MAGI2: variants seen among roughly 807,000 people sequenced by gnomAD.
MAGI2 encodes membrane-associated guanylate kinase, WW and PDZ domain-containing protein 2.
MAGI2 carries 35 observed loss-of-function variants against 133.3 expected under a neutral mutation model. The ratio of observed to expected loss-of-function variants is 0.26; its 90% CI spans 0.20 to 0.35. The LOEUF (loss-of-function observed/expected upper bound fraction) is 0.35, where lower values mean the gene tolerates loss of function less well. Ranked by LOEUF, MAGI2 falls within the 10% of genes least tolerant of loss-of-function variation. MAGI2 has a pLI of 1.00. For synonymous variants in MAGI2, 729 were observed against 710.6 expected, an observed-to-expected ratio of 1.03 and a Z score of -0.41; for missense variants, 1,636 against 1,863.4, an observed-to-expected ratio of 0.88 and a Z score of 2.25.
intron 6 of MAGI2, among the ~76,000 whole-genome samples, chr7:78,471,016 C>G (rs974012578): frequency 6.6e-6 from 1 of 152,114 alleles, no homozygotes; most frequent in African/African-American, 2.4e-5. Context: ...ATATCTTGTT[C>G]TTGCCTAAGA....
At position 78,018,967 on chromosome 7, in the gene MAGI2, T is replaced by C. The variant is rs980191521; in HGVS notation, c.*348A>G. The C allele has an allele frequency of 3.0e-5, 12 of 397,222 alleles. No homozygotes were observed. Among genetic ancestry groups the C allele is most frequent in the Non-Finnish European group, 5.3e-5 (12 of 225,384 alleles). 24.6% of individuals were successfully genotyped at this position (397,222 alleles called of 1,614,324 possible). Reference sequence around the variant, plus strand: ...TTTGTCCTGTTTCTTGATATAAAGTTTGGATGACATCCAAGTCCTTCATGC... The same window carrying C: ...TTTGTCCTGTTTCTTGATATAAAGTCTGGATGACATCCAAGTCCTTCATGC... On this transcript the variant is annotated 3_prime_UTR_variant, in exon 22 of 22. Transcript: ENST00000354212.
At chr7:78,385,280 TG>T (rs1490966263) in intron 6 of MAGI2, among the ~76,000 whole-genome samples, 1 of 152,206 alleles carries the variant, frequency 6.6e-6, no homozygotes, top group African/African-American at 2.4e-5. Flanking sequence ...TTTTAGTTTG[TG>T]TTGTGGAATT....
At chr7:79,274,048 T>C (rs1835063215) in intron 1 of MAGI2, among the ~76,000 whole-genome samples, 1 of 152,112 alleles carries the variant, frequency 6.6e-6, no homozygotes, top group East Asian at 1.9e-4. Flanking sequence ...ACTCACCACC[T>C]GGAGGTAGGT....
intron 1 of MAGI2, among the ~76,000 whole-genome samples, chr7:79,375,560 C>T (rs554270055): frequency 6.7e-6 from 1 of 149,292 alleles, no homozygotes; most frequent in South Asian, 2.1e-4. Flanking sequence ...AACATTTTAG[C>T]TGTAACAGTA....
intron 2 of MAGI2, among the ~76,000 whole-genome samples, chr7:78,980,200 T>C (rs139994931): frequency 3.9e-5 from 6 of 151,936 alleles, no homozygotes; most frequent in African/African-American, 7.2e-5. Flanking sequence ...AATGAGATAA[T>C]GATTATATCT....
At chr7:78,666,057 A>G (rs1418976044) in intron 2 of MAGI2, among the ~76,000 whole-genome samples, 2 of 152,166 alleles carry the variant, frequency 1.3e-5, no homozygotes, top group African/African-American at 2.4e-5. Flanking sequence ...AAGGTAGTCA[A>G]TGGAACAGAG....
chr7:79,072,285 G>A (rs6949412), intron 1 of MAGI2, among the ~76,000 whole-genome samples: 88,235 of 152,004 alleles, frequency 0.58, 31,683 homozygotes, highest in Non-Finnish European at 0.79. Flanking sequence ...ATATAAACCT[G>A]GGAAAACATG....
intron 6 of MAGI2, among the ~76,000 whole-genome samples, chr7:78,445,356 T>G (rs1470968998): frequency 6.6e-6 from 1 of 152,108 alleles, no homozygotes; most frequent in Non-Finnish European, 1.5e-5. Flanking sequence ...TAACTATGGA[T>G]TTTCTATCCT....
chr7:79,097,976 G>A lies in MAGI2; in HGVS notation c.302-90770C>T, dbSNP rs150324479. Among the ~76,000 whole-genome samples, 796 of 152,180 alleles carry A rather than the reference G, an allele frequency of 5.2e-3. 8 individuals are homozygous for A. The highest frequency in any genetic ancestry group is 7.5e-3 in the Non-Finnish European group (507 of 68,002). ...ATCTCTACCAAAAATACAAAACTTA[G>A]CCGGACATGGTGGCACACGCCTGTA... On this transcript the variant is annotated intron_variant, in intron 1 of 21. Transcript: ENST00000354212.
Position 79,433,473 on chromosome 7 carries a change from C to A in MAGI2, c.301+19547G>T, listed in dbSNP as rs572975617. ...GAGGCTGAGGCAGGAGAATGGCGTG[C>A]ACCCGGGAGGCGGAGCTTGCACTGA... is the stretch of plus-strand genomic sequence containing the variant. On this transcript the variant is annotated intron_variant, in intron 1 of 21. Transcript: ENST00000354212. Among the ~76,000 whole-genome samples, 18 of 151,778 alleles carry A rather than the reference C, an allele frequency of 1.2e-4. No individual in the cohort carries two copies. In the South Asian group the frequency reaches 1.5e-3, roughly 12 times the overall value.
intron 1 of MAGI2, chr7:79,354,246 C>G (rs931438576): frequency 1.3e-5 from 2 of 152,336 alleles, no homozygotes; most frequent in African/African-American, 4.8e-5. Flanking sequence ...TGCCAACACC[C>G]AGAGCCCTGC....
At chr7:79,367,858 C>T (rs372012830) in intron 1 of MAGI2, among the ~76,000 whole-genome samples, 6 of 87,098 alleles carry the variant, frequency 6.9e-5, no homozygotes, top group African/African-American at 1.4e-4. Context: ...ATATATGTGA[C>T]ATATATATAT....
chr7:78,996,586 T>C (rs919367691), intron 2 of MAGI2, among the ~76,000 whole-genome samples: 1 of 152,022 alleles, frequency 6.6e-6, no homozygotes, highest in Non-Finnish European at 1.5e-5. Context: ...ATGAATGAAA[T>C]AGACTGTACA....
At chr7:78,174,623 G>A (rs533302041) in intron 14 of MAGI2, among the ~76,000 whole-genome samples, 2 of 152,174 alleles carry the variant, frequency 1.3e-5, no homozygotes, top group African/African-American at 4.8e-5. Context: ...TTGGAATTAG[G>A]AGTGTCTTTG....
At chr7:78,310,431 C>T (rs1014451672) in intron 9 of MAGI2, among the ~76,000 whole-genome samples, 4 of 151,932 alleles carry the variant, frequency 2.6e-5, no homozygotes, top group Non-Finnish European at 4.4e-5. Flanking sequence ...GAGACTCCAG[C>T]TCAAAAAAAT....
chr7:78,501,834 C>T, intron 4 of MAGI2, 47 bp from the exon 5 acceptor site: 1 of 1,415,952 alleles, frequency 7.1e-7, no homozygotes, highest in Middle Eastern at 2.4e-4. Context: ...ACCATGGTAA[C>T]TCTGGACTGA....
At chr7:78,891,078 C>A (rs1796709588) in intron 2 of MAGI2, among the ~76,000 whole-genome samples, 1 of 152,088 alleles carries the variant, frequency 6.6e-6, no homozygotes, top group Admixed American at 6.5e-5. Context: ...TACAAACTAC[C>A]ATCAGAGAAT....
In MAGI2 at chr7:78,127,269, A is replaced by G. The variant is rs1358075295; in HGVS notation, c.3351T>C (p.Pro1117=). The G allele has an allele frequency of 6.2e-7, 1 of 1,609,104 alleles. No homozygotes were observed. The highest frequency in any genetic ancestry group is 2.2e-5 in the East Asian group (1 of 44,786). ...AGTGCTGCCTGTAGTCCAGTAGGGG[A>G]GGCTGCCTGTAGTCCAAGGGTGGGG... ...QQPPPLDYRQ[P]PLLDYRQHSP... The change falls in exon 19 of 22, where the codon CCT becomes CCC. Residue 1117 remains proline (P), a synonymous_variant. Coordinates refer to ENST00000354212, the MANE Select transcript of MAGI2 (RefSeq NM_012301.4).
intron 4 of MAGI2, among the ~76,000 whole-genome samples, chr7:78,510,241 T>A (rs532382271): frequency 3.0e-3 from 453 of 152,338 alleles, no homozygotes; most frequent in Non-Finnish European, 4.9e-3. Flanking sequence ...CACCTAGGTT[T>A]GAATCTGTCC....
Sources: allele counts gnomAD v4.1 joint callset (sites outside exome capture counted in the v4.1 genomes callset), GRCh38; gene constraint gnomAD v4.1.1; transcripts MANE v1.5; gene names NCBI Gene and HGNC (gene_info 2026-07-23, HGNC 2026-07-21).